Variants in OXR1 observed in about 807,000 individuals in gnomAD.
The protein encoded by OXR1 is oxidation resistance protein 1.
A neutral mutation model predicts 104.6 loss-of-function variants in OXR1; 41 were observed. The ratio of observed to expected loss-of-function variants is 0.39; its 90% CI spans 0.31 to 0.51. OXR1 has a LOEUF of 0.51. OXR1 is among the 20% of genes least tolerant of loss of function. OXR1 has a pLI of 0.77. For missense variants in OXR1, 955 were observed against 1,031.9 expected (o/e 0.93, Z 1.02); for synonymous variants, 348 against 348.4 (o/e 1.00, Z 0.01).
chr8:106,544,100 C>A (rs1815162006), intron 3 of OXR1, among the ~76,000 whole-genome samples: 1 of 152,052 alleles, frequency 6.6e-6, no homozygotes, highest in Non-Finnish European at 1.5e-5. Flanking sequence ...TTATTTTTTT[C>A]CCAAAGCACT....
intron 2 of OXR1, among the ~76,000 whole-genome samples, chr8:106,441,565 A>G (rs2130589362): frequency 6.6e-6 from 1 of 152,132 alleles, no homozygotes; most frequent in African/African-American, 2.4e-5. Flanking sequence ...GTGTTTTTCC[A>G]TTTGTTTGTG....
At chr8:106,478,877 G>A (rs1218923690) in intron 2 of OXR1, among the ~76,000 whole-genome samples, 5 of 151,750 alleles carry the variant, frequency 3.3e-5, no homozygotes, top group African/African-American at 9.7e-5. Context: ...GTGTATATAC[G>A]TATATGTGAT....
At chr8:106,750,200 A>T (rs1010950710) in intron 16 of OXR1, among the ~76,000 whole-genome samples, 16 of 151,792 alleles carry the variant, frequency 1.1e-4, no homozygotes, top group African/African-American at 3.4e-4. Context: ...AGAAAAACTC[A>T]TAATACCAGG....
chr8:106,679,160 T>C (rs202123319), intron 3 of OXR1, 50 bp from the exon 4 acceptor site: 2 of 1,122,142 alleles, frequency 1.8e-6, no homozygotes, highest in East Asian at 2.4e-5. Context: ...TCCTTGACAT[T>C]ACTCTGAAAG....
chr8:106,364,318 G>A (rs917024090), intron 2 of OXR1, among the ~76,000 whole-genome samples: 2 of 151,988 alleles, frequency 1.3e-5, no homozygotes, highest in East Asian at 1.9e-4. Context: ...AGTGGCTCAC[G>A]CCTGTAATCC....
intron 1 of OXR1, among the ~76,000 whole-genome samples, chr8:106,335,022 A>G (rs73701145): frequency 0.027 from 3,654 of 132,874 alleles, 53 homozygotes; most frequent in South Asian, 0.098. Flanking sequence ...AGACACATAC[A>G]TTGACACACA....
Position 106,356,895 on chromosome 8 carries a change from T to A in OXR1, c.-138-2581T>A, listed in dbSNP as rs552035972. On this transcript the variant is annotated intron_variant, in intron 1 of 16. Coordinates refer to ENST00000517566, the MANE Select transcript of OXR1 (RefSeq NM_001198533.2). Reference sequence around the variant, plus strand: ...ACCCAGAAATTTAGAATAATAGTTTTACAGGTGTTCAGACCTAACACAATT... The same window carrying A: ...ACCCAGAAATTTAGAATAATAGTTTAACAGGTGTTCAGACCTAACACAATT... Among the ~76,000 whole-genome samples the A allele has an allele frequency of 1.1e-3, 169 of 152,216 alleles. 1 individual carries two copies. Among genetic ancestry groups the A allele is most frequent in the Non-Finnish European group, 1.9e-3 (132 of 68,014 alleles).
chr8:106,320,385 G>A (rs1285244282), intron 1 of OXR1, among the ~76,000 whole-genome samples: 7 of 152,104 alleles, frequency 4.6e-5, no homozygotes, highest in African/African-American at 1.7e-4. Flanking sequence ...CAGTGACAAG[G>A]CAGCAAAACT....
intron 2 of OXR1, among the ~76,000 whole-genome samples, chr8:106,514,554 G>A (rs1463013679): frequency 1.3e-5 from 2 of 152,048 alleles, no homozygotes; most frequent in African/African-American, 2.4e-5. Flanking sequence ...GAATAATAGT[G>A]TCATTTTCTG....
chr8:106,405,744 C>T (rs923665395), intron 2 of OXR1, among the ~76,000 whole-genome samples: 1 of 152,104 alleles, frequency 6.6e-6, no homozygotes, highest in Non-Finnish European at 1.5e-5. Context: ...CAACTTGCAA[C>T]TGACTACAGA....
chr8:106,432,686 G>T (rs536797074), intron 2 of OXR1, among the ~76,000 whole-genome samples: 1 of 152,038 alleles, frequency 6.6e-6, no homozygotes, highest in African/African-American at 2.4e-5. Context: ...GGTAGAATTT[G>T]CTTATGTTTG....
chr8:106,727,848 C>T (rs1194667233), intron 11 of OXR1, among the ~76,000 whole-genome samples: 1 of 152,178 alleles, frequency 6.6e-6, no homozygotes, highest in East Asian at 1.9e-4. Flanking sequence ...ATTGAACCCT[C>T]ACAGTAACCC....
At chr8:106,589,044 G>A (rs1219216627) in intron 3 of OXR1, among the ~76,000 whole-genome samples, 1 of 124,206 alleles carries the variant, frequency 8.1e-6, no homozygotes, top group Non-Finnish European at 1.7e-5. Context: ...AAGAGGTGCA[G>A]GCTCCTTCCT....
chr8:106,331,431 T>A (rs546503072), intron 1 of OXR1, among the ~76,000 whole-genome samples: 36 of 152,298 alleles, frequency 2.4e-4, no homozygotes, highest in Admixed American at 2.3e-3. Context: ...TTAATTTCTT[T>A]GCAAACTCAT....
chr8:106,359,877 T>C (rs193010621), intron 2 of OXR1, among the ~76,000 whole-genome samples: 1 of 152,142 alleles, frequency 6.6e-6, no homozygotes, highest in South Asian at 2.1e-4. Context: ...CCCAGTGACC[T>C]CCAATACCTT....
At chr8:106,642,109 G>T (rs1823702290) in intron 3 of OXR1, among the ~76,000 whole-genome samples, 1 of 152,086 alleles carries the variant, frequency 6.6e-6, no homozygotes, top group Non-Finnish European at 1.5e-5. Context: ...AGAAGAATGA[G>T]CTACAAGGAA....
chr8:106,577,848 G>A (rs1333387093), intron 3 of OXR1, among the ~76,000 whole-genome samples: 1 of 152,142 alleles, frequency 6.6e-6, no homozygotes, highest in East Asian at 1.9e-4. Context: ...CTTCAGGTAC[G>A]CTTGTAGTTC....
intron 1 of OXR1, among the ~76,000 whole-genome samples, chr8:106,302,822 G>A (rs1813301448): frequency 6.6e-6 from 1 of 151,832 alleles, no homozygotes; most frequent in Non-Finnish European, 1.5e-5. Flanking sequence ...CGCCATCTCG[G>A]CTCACTGCAA....
Position 106,734,301 on chromosome 8 carries a change from C to T in OXR1, c.1957-3219C>T, listed in dbSNP as rs182001940. 4.6e-5 allele frequency among the ~76,000 whole-genome samples: 7 copies of T among 152,244 alleles called. No individual in the cohort carries two copies. In the South Asian group the frequency reaches 1.0e-3, roughly 23 times the overall value. ...TATATGATGAGATATAGTAGAACAA[C>T]GGCTTATGTGACTTCAAGGATGCTG... On this transcript the variant is annotated intron_variant, in intron 11 of 16. Coordinates refer to ENST00000517566, the MANE Select transcript of OXR1 (RefSeq NM_001198533.2).
Sources: allele counts gnomAD v4.1 joint callset (sites outside exome capture counted in the v4.1 genomes callset), GRCh38; gene constraint gnomAD v4.1.1; transcripts MANE v1.5; gene names NCBI Gene and HGNC (gene_info 2026-07-23, HGNC 2026-07-21).